RBFOX1: variants seen among roughly 807,000 people sequenced by gnomAD.
RBFOX1 encodes the protein RNA binding protein fox-1 homolog 1.
In RBFOX1, 8 loss-of-function variants were observed where a neutral mutation model predicts 57.7. The observed-to-expected ratio is 0.14, with a 90% CI of 0.08 to 0.25. RBFOX1 has a LOEUF of 0.25. Ranked by LOEUF, RBFOX1 falls within the 10% of genes least tolerant of loss-of-function variation. RBFOX1 has a pLI of 1.00. For missense variants in RBFOX1, 611 were observed against 548.5 expected (o/e 1.11, Z -1.14); for synonymous variants, 326 against 222.4 (o/e 1.47, Z -4.15).
At chr16:6,953,328 C>G (rs1448196085) in intron 3 of RBFOX1, among the ~76,000 whole-genome samples, 3 of 152,100 alleles carry the variant, frequency 2.0e-5, no homozygotes, top group Non-Finnish European at 4.4e-5. Context: ...GTCTCTTTCA[C>G]CAGCAACTTA....
intron 4 of RBFOX1, among the ~76,000 whole-genome samples, chr16:7,064,680 G>C (rs528773507): frequency 1.3e-5 from 2 of 152,216 alleles, no homozygotes; most frequent in East Asian, 3.9e-4. Context: ...ACGGTACTTT[G>C]TTACGGTAGC....
intron 1 of RBFOX1, among the ~76,000 whole-genome samples, chr16:5,440,815 G>C (rs758018387): frequency 1.1e-4 from 16 of 152,118 alleles, no homozygotes; most frequent in Non-Finnish European, 1.8e-4. Flanking sequence ...CATGAGCTGG[G>C]AGGGATTCCC....
intron 1 of RBFOX1, among the ~76,000 whole-genome samples, chr16:6,284,748 T>A (rs552352284): frequency 6.6e-6 from 1 of 152,114 alleles, no homozygotes; most frequent in African/African-American, 2.4e-5. Context: ...AGAATGGAAA[T>A]TATTTTCCCT....
intron 2 of RBFOX1, among the ~76,000 whole-genome samples, chr16:6,516,303 A>G (rs2096377014): frequency 6.6e-6 from 1 of 152,174 alleles, no homozygotes; most frequent in Admixed American, 6.5e-5. Context: ...TCTGCCTTCT[A>G]TGAAATGTGT....
At chr16:7,370,075 C>G (rs1399003184) in intron 4 of RBFOX1, among the ~76,000 whole-genome samples, 2 of 152,182 alleles carry the variant, frequency 1.3e-5, no homozygotes, top group Non-Finnish European at 2.9e-5. Context: ...GGCACTATGA[C>G]TATGGCCAGA....
At chr16:6,531,359 G>A (rs1163404257) in intron 2 of RBFOX1, among the ~76,000 whole-genome samples, 1 of 152,128 alleles carries the variant, frequency 6.6e-6, no homozygotes, top group East Asian at 1.9e-4. Flanking sequence ...TTGTGGGTGA[G>A]CTGAGGAGCA....
intron 4 of RBFOX1, among the ~76,000 whole-genome samples, chr16:5,884,102 G>C (rs1355321416): frequency 6.6e-6 from 1 of 152,168 alleles, no homozygotes; most frequent in East Asian, 1.9e-4. Context: ...TATTATCAAG[G>C]TGAGGATTAA....
chr16:7,665,421 TTC>T (rs1383283563), intron 13 of RBFOX1, among the ~76,000 whole-genome samples: 2 of 152,170 alleles, frequency 1.3e-5, no homozygotes, highest in East Asian at 3.8e-4. Flanking sequence ...GGAACACTCT[TTC>T]TCTCTCTAGA....
chr16:5,740,825 G>C (rs1320440229), intron 3 of RBFOX1, among the ~76,000 whole-genome samples: 1 of 152,114 alleles, frequency 6.6e-6, no homozygotes, highest in Non-Finnish European at 1.5e-5. Flanking sequence ...AGTATGTCTT[G>C]TGGCGTCTCC....
chr16:7,079,516 A>C (rs1055277342), intron 4 of RBFOX1, among the ~76,000 whole-genome samples: 8 of 152,208 alleles, frequency 5.3e-5, no homozygotes, highest in Non-Finnish European at 4.4e-5. Flanking sequence ...CTTCTTTGTC[A>C]AGTTCAGATT....
chr16:7,013,398 A>G (rs1419626524), intron 3 of RBFOX1, among the ~76,000 whole-genome samples: 6 of 152,176 alleles, frequency 3.9e-5, no homozygotes, highest in Non-Finnish European at 8.8e-5. Context: ...TGACCCAGAG[A>G]ACATGTGACA....
At chr16:7,352,484 C>A (rs547575658) in intron 4 of RBFOX1, among the ~76,000 whole-genome samples, 1 of 152,280 alleles carries the variant, frequency 6.6e-6, no homozygotes, top group East Asian at 1.9e-4. Flanking sequence ...GGGTAAGAAT[C>A]TGTCACCACT....
chr16:7,060,968 C>G (rs1490961199), intron 4 of RBFOX1, among the ~76,000 whole-genome samples: 1 of 152,124 alleles, frequency 6.6e-6, no homozygotes, highest in East Asian at 1.9e-4. Flanking sequence ...ACAGAGAACC[C>G]TCAGGATTCA....
chr16:5,290,163 C>T (rs2063498034), intron 1 of RBFOX1, among the ~76,000 whole-genome samples: 1 of 152,188 alleles, frequency 6.6e-6, no homozygotes. Flanking sequence ...ATGTCCAGAA[C>T]ACGCAAATCT....
At chr16:7,482,738 G>A (rs910988119) in intron 4 of RBFOX1, among the ~76,000 whole-genome samples, 8 of 151,824 alleles carry the variant, frequency 5.3e-5, no homozygotes, top group Admixed American at 1.3e-4. Context: ...CTTCCTGGGC[G>A]TATTTGCTTA....
intron 10 of RBFOX1, among the ~76,000 whole-genome samples, chr16:7,622,965 A>G (rs2059540416): frequency 6.6e-6 from 1 of 152,204 alleles, no homozygotes; most frequent in Non-Finnish European, 1.5e-5. Flanking sequence ...TGACTGTAAA[A>G]GTATCCACCG....
chr16:7,138,769 C>A (rs148495763), intron 4 of RBFOX1, among the ~76,000 whole-genome samples: 105 of 152,234 alleles, frequency 6.9e-4, no homozygotes, highest in African/African-American at 2.5e-3. Flanking sequence ...AAACAAGGAA[C>A]ACACATCCAT....
intron 3 of RBFOX1, among the ~76,000 whole-genome samples, chr16:6,864,544 C>T (rs967204402): frequency 2.1e-5 from 3 of 145,346 alleles, no homozygotes; most frequent in African/African-American, 8.0e-5. Flanking sequence ...TTCTCTCCTT[C>T]CTCTTTTTTT....
rs142422646 is a variant in RBFOX1 at position 6,912,182 on chromosome 16, A to G, written c.-15-139875A>G. ...ATAAAGAATGAGGTAAATAATCTGA[A>G]ACTTAAATTCCCACGTGGAGTAATT... is the stretch of plus-strand genomic sequence containing the variant. On this transcript the variant is annotated intron_variant, in intron 3 of 15. Coordinates refer to ENST00000550418, the MANE Select transcript of RBFOX1 (RefSeq NM_018723.4). 6.8e-4 allele frequency among the ~76,000 whole-genome samples: 104 copies of G among 152,326 alleles called. No individual in the cohort carries two copies. In the Middle Eastern group the frequency reaches 0.014, roughly 20 times the overall value.
Sources: gnomAD v4.1 joint callset for allele counts (sites outside exome capture counted in the v4.1 genomes callset) on GRCh38, gnomAD v4.1.1 for gene constraint, MANE v1.5 for transcripts, NCBI Gene and HGNC (gene_info 2026-07-23, HGNC 2026-07-21) for gene names.